Variants in NPL observed in about 807,000 individuals in gnomAD.
NPL encodes the protein N-acetylneuraminate lyase.
NPL carries 32 observed loss-of-function variants against 41.1 expected under a neutral mutation model. That is an observed-to-expected ratio of 0.78 (90% CI 0.59 to 1.05). The LOEUF (loss-of-function observed/expected upper bound fraction) is 1.05. Among genes scored for constraint, NPL ranks in the 50% least tolerant of loss-of-function variants. The probability of loss-of-function intolerance (pLI) is 0.00; values close to 1 mark genes in which losing one functional copy is unlikely to be tolerated. For synonymous variants in NPL, 128 were observed against 134.9 expected (o/e 0.95, Z 0.35); for missense variants, 321 against 378.4 (o/e 0.85, Z 1.26).
In NPL at chr1:182,806,126, T is replaced by G; in HGVS notation, c.143-19T>G. Reference sequence around the variant, plus strand: ...AGAGGTGCTCCTTGGTCCTGCTGACTTACTCTTTGTTTGAACAGTGAATGG... The same window carrying G: ...AGAGGTGCTCCTTGGTCCTGCTGACGTACTCTTTGTTTGAACAGTGAATGG... On this transcript the variant is annotated intron_variant, in intron 4 of 12. Coordinates refer to ENST00000367553, the MANE Select transcript of NPL (RefSeq NM_030769.3). 1 of 1,614,126 alleles carries G rather than the reference T, an allele frequency of 6.2e-7. No homozygotes were observed. Among genetic ancestry groups the G allele is most frequent in the Non-Finnish European group, 8.5e-7 (1 of 1,180,008 alleles).
chr1:182,821,225 T>A (rs10911143), intron 10 of NPL, among the ~76,000 whole-genome samples: 12,277 of 152,278 alleles, frequency 0.081, 1,322 homozygotes, highest in African/African-American at 0.25. Flanking sequence ...AGATAAATAC[T>A]TTTTCTGATA....
intron 1 of NPL, among the ~76,000 whole-genome samples, chr1:182,790,796 A>G (rs1571415746): frequency 6.6e-6 from 1 of 152,266 alleles, no homozygotes; most frequent in Admixed American, 6.5e-5. Context: ...GGCTCCCGCC[A>G]CCACGCCCGG....
chr1:182,790,885 C>T (rs1250912179), intron 1 of NPL, among the ~76,000 whole-genome samples: 4 of 152,274 alleles, frequency 2.6e-5, no homozygotes, highest in East Asian at 1.9e-4. Context: ...TCAGGTGATC[C>T]GCCCACCTCG....
In NPL at chr1:182,798,103, T is replaced by C. The variant is rs546897288; in HGVS notation, c.68+3664T>C. Among the ~76,000 whole-genome samples, 9 of 152,182 alleles carry C rather than the reference T, an allele frequency of 5.9e-5. No homozygotes were observed. In the South Asian group the frequency reaches 1.9e-3, roughly 32 times the overall value. On this transcript the variant is annotated intron_variant, in intron 3 of 12. Transcript: ENST00000367553. The stretch of plus-strand genomic sequence containing the variant: ...GAGGGAGCCATAGGTATCTCTGTCC[T>C]GGCAGTTGAAGAAACGGAGATCCTA...
At chr1:182,806,913 G>A (rs1297638045) in intron 5 of NPL, among the ~76,000 whole-genome samples, 5 of 152,006 alleles carry the variant, frequency 3.3e-5, no homozygotes, top group Non-Finnish European at 7.4e-5. Flanking sequence ...ATCTCAGCTC[G>A]CTGCAACCTC....
rs1466783107 is a variant in NPL, at chr1:182,825,778, T to C, written c.739-3T>C. On this transcript the variant is annotated splice_region_variant and splice_polypyrimidine_tract_variant and intron_variant, in intron 11 of 12. Coordinates refer to ENST00000367553, the MANE Select transcript of NPL (RefSeq NM_030769.3). ...TAACTATAGATATGTTGTTCTTTTC[T>C]AGTTTTGTATCCAGAGATTTATCAA... 2 of 1,559,600 alleles carry C rather than the reference T, an allele frequency of 1.3e-6. No homozygotes were observed. Among genetic ancestry groups the C allele is most frequent in the East Asian group, 4.5e-5 (2 of 44,618 alleles).
rs369943953 is a variant in NPL, at chr1:182,812,123, C to T, written c.231-33C>T. ...CAGCCCTTCTGCATGCCTCTAAACT[C>T]TAAGCGATGCAGCAGTGTTTTTTCT... On this transcript the variant is annotated intron_variant, in intron 5 of 12. Transcript: ENST00000367553. 46 of 1,612,208 alleles carry T rather than the reference C, an allele frequency of 2.9e-5. No homozygotes were observed. In the East Asian group the frequency reaches 3.8e-4, roughly 13 times the overall value.
chr1:182,790,651 T>TGTA (rs1191830904), intron 1 of NPL, among the ~76,000 whole-genome samples: 1 of 145,818 alleles, frequency 6.9e-6, no homozygotes, highest in Non-Finnish European at 1.5e-5. Context: ...TTGTTGTTGT[T>TGTA]GTTGTTTTTG....
At chr1:182,791,932 C>T (rs753834102) in intron 1 of NPL, among the ~76,000 whole-genome samples, 5 of 151,912 alleles carry the variant, frequency 3.3e-5, no homozygotes, top group African/African-American at 4.8e-5. Flanking sequence ...ATTATAAAGG[C>T]GAAAGGAGGA....
rs564235644 is a variant in NPL, at chr1:182,794,173, C to T, written c.-16-183C>T. 2.6e-5 allele frequency among the ~76,000 whole-genome samples: 4 copies of T among 152,320 alleles called. No homozygotes were observed. The South Asian group carries it at 8.3e-4, about 32-fold the overall frequency. ...AGTATTTTCTCAAGTCTACCCTCTC[C>T]TGTCTTAAAGTTTCCTCCTCAATAG... is the stretch of plus-strand genomic sequence containing the variant. On this transcript the variant is annotated intron_variant, in intron 2 of 12. Coordinates refer to ENST00000367553, the MANE Select transcript of NPL (RefSeq NM_030769.3).
At chr1:182,814,715 A>G in intron 6 of NPL, 68 bp from the exon 7 acceptor site, 2 of 1,260,616 alleles carry the variant, frequency 1.6e-6, no homozygotes, top group Non-Finnish European at 2.3e-6. Flanking sequence ...TACTGATCTT[A>G]GTATCTAAGC....
At chr1:182,800,435 CA>C (rs1053733197) in intron 3 of NPL, among the ~76,000 whole-genome samples, 899 of 51,592 alleles carry the variant, frequency 0.017, 6 homozygotes, top group African/African-American at 0.037. Context: ...GACCCTGTCT[CA>C]AAAAAAAAAA....
At chr1:182,794,662 A>G (rs2102525466) in intron 3 of NPL, among the ~76,000 whole-genome samples, 1 of 152,358 alleles carries the variant, frequency 6.6e-6, no homozygotes, top group Non-Finnish European at 1.5e-5. Flanking sequence ...CCTTGCAGAA[A>G]GGGAGAAGGT....
rs1667708029 is a variant in NPL, at chr1:182,829,279, A to C, written c.*371A>C. 1 of 1,188,678 alleles carries C rather than the reference A, an allele frequency of 8.4e-7. No homozygotes were observed. 73.6% of individuals were successfully genotyped at this position (1,188,678 alleles called of 1,614,324 possible). A position where few individuals can be genotyped will look rare whatever the true frequency, so the allele number is the denominator to read the frequency against. On this transcript the variant is annotated 3_prime_UTR_variant, in exon 13 of 13. Coordinates refer to ENST00000367553, the MANE Select transcript of NPL (RefSeq NM_030769.3). Reference sequence around the variant, plus strand: ...AGTTGTCTAATTTTAAACCACTATAATATGTCTTCATTTTAATAAATATTC... The same window carrying C: ...AGTTGTCTAATTTTAAACCACTATACTATGTCTTCATTTTAATAAATATTC...
At chr1:182,814,973 A>C (rs1007538319) in intron 7 of NPL, 115 bp downstream of exon 7, 2 of 813,662 alleles carry the variant, frequency 2.5e-6, no homozygotes, top group African/African-American at 1.7e-5. Context: ...GGAGGCTTGA[A>C]GTCGCAATGG....
At chr1:182,794,059 T>G (rs1666589214) in intron 2 of NPL, among the ~76,000 whole-genome samples, 1 of 152,188 alleles carries the variant, frequency 6.6e-6, no homozygotes, top group African/African-American at 2.4e-5. Flanking sequence ...TTCAAGCTCT[T>G]TCTTGGGTCT....
At chr1:182,818,985 C>A in intron 10 of NPL, 126 bp downstream of exon 10, 1 of 865,108 alleles carries the variant, frequency 1.2e-6, no homozygotes, top group Non-Finnish European at 2.0e-6. Context: ...CCACATTCTT[C>A]CAGTGAAAGG....
chr1:182,822,285 C>A, intron 11 of NPL, 86 bp downstream of exon 11: 1 of 905,802 alleles, frequency 1.1e-6, no homozygotes, highest in Non-Finnish European at 1.8e-6. Flanking sequence ...CCATGCCTGC[C>A]CTCATTAAAA....
At chr1:182,795,503 T>C (rs1199991401) in intron 3 of NPL, among the ~76,000 whole-genome samples, 1 of 152,170 alleles carries the variant, frequency 6.6e-6, no homozygotes, top group Admixed American at 6.5e-5. Flanking sequence ...CATCTTACCC[T>C]TTTAAAGGAG....
Sources: allele counts gnomAD v4.1 joint callset (sites outside exome capture counted in the v4.1 genomes callset), GRCh38; gene constraint gnomAD v4.1.1; transcripts MANE v1.5; gene names NCBI Gene and HGNC (gene_info 2026-07-23, HGNC 2026-07-21).